The following KCNQ1OT1 variants were observed in gnomAD, a reference collection of about 807,000 sequenced individuals.
The protein encoded by KCNQ1OT1 is KCNQ1 opposite strand/antisense transcript 1.
exon 1 of KCNQ1OT1, chr11:2,688,963 G>C (rs1266602184): frequency 5.0e-6 from 2 of 398,820 alleles, no homozygotes; most frequent in Non-Finnish European, 8.8e-6. Context: ...AGGGCTCTGA[G>C]AGTAGGGGTC....
chr11:2,699,071 A>G (rs148835915), exon 1 of KCNQ1OT1: 1 of 398,548 alleles, frequency 2.5e-6, no homozygotes, highest in Non-Finnish European at 4.4e-6. Flanking sequence ...CAAAACCACA[A>G]CATGGATTCC....
chr11:2,614,384 A>G (rs1030011707), exon 1 of KCNQ1OT1: 7 of 398,442 alleles, frequency 1.8e-5, no homozygotes, highest in South Asian at 2.5e-4. Context: ...AACCATTTCA[A>G]AATGTACAAT....
rs145454932 is a variant in KCNQ1OT1, at chr11:2,618,314, A to C, written n.81681T>G. Reference sequence around the variant, plus strand: ...ATAACAACAGCTGATGGGCTAAAAAAATGCAAAAAAATTCAATGTTTTAAC... The same window carrying C: ...ATAACAACAGCTGATGGGCTAAAAACATGCAAAAAAATTCAATGTTTTAAC... On this transcript the variant is annotated non_coding_transcript_exon_variant, in exon 1 of 1. Coordinates refer to ENST00000597346, the Ensembl canonical transcript of KCNQ1OT1. The C allele has an allele frequency of 1.5e-3, 610 of 398,596 alleles. 3 individuals carry two copies. Among genetic ancestry groups the C allele is most frequent in the African/African-American group, 0.011 (540 of 48,750 alleles). The allele number at this position is 398,596 out of a possible 1,614,324, so 24.7% of individuals were successfully genotyped here. A position where few individuals can be genotyped will look rare whatever the true frequency, so the allele number is the denominator to read the frequency against.
At position 2,626,699 on chromosome 11, in the gene KCNQ1OT1, T is replaced by C. The variant is rs1011628755; in HGVS notation, n.73296A>G. On this transcript the variant is annotated non_coding_transcript_exon_variant, in exon 1 of 1. Transcript: ENST00000597346. The surrounding 1 kb of genome is among the most constrained non-coding windows in gnomAD (Gnocchi z 4.0). ...GTGTACCATTACACCTGGCCAATTA[T>C]TTTATTTTTTGTAGAGATGAGGTCT... 1 of 397,012 alleles carries C rather than the reference T, an allele frequency of 2.5e-6. No individual in the cohort carries two copies. The highest frequency in any genetic ancestry group is 4.4e-6 in the Non-Finnish European group (1 of 226,036). The allele number at this position is 397,012 out of a possible 1,614,324, so 24.6% of individuals were successfully genotyped here. A position where few individuals can be genotyped will look rare whatever the true frequency, so the allele number is the denominator to read the frequency against.
Position 2,623,335 on chromosome 11 carries a change from T to C in KCNQ1OT1, n.76660A>G, listed in dbSNP as rs530866865. 4.3e-5 allele frequency: 17 copies of C among 398,578 alleles called. No individual in the cohort carries two copies. The highest frequency in any genetic ancestry group is 7.5e-5 in the Non-Finnish European group (17 of 226,068). 24.7% of individuals were successfully genotyped at this position (398,578 alleles called of 1,614,324 possible). A position where few individuals can be genotyped will look rare whatever the true frequency, so the allele number is the denominator to read the frequency against. On this transcript the variant is annotated non_coding_transcript_exon_variant, in exon 1 of 1. Coordinates refer to ENST00000597346, the Ensembl canonical transcript of KCNQ1OT1. The surrounding 1 kb of genome is among the most constrained non-coding windows in gnomAD (Gnocchi z 5.2). ...GTGAGAACGGACTAATATGCATGTA[T>C]CTACCATTATAGTATCATACAGATA...
chr11:2,629,053 A>G lies in KCNQ1OT1; in HGVS notation n.70942T>C, dbSNP rs543569202. 1.3e-5 allele frequency: 5 copies of G among 398,234 alleles called. No homozygotes were observed. The South Asian group carries it at 6.4e-4, about 51-fold the overall frequency. The allele number at this position is 398,234 out of a possible 1,614,324, so 24.7% of individuals were successfully genotyped here. On this transcript the variant is annotated non_coding_transcript_exon_variant, in exon 1 of 1. Coordinates refer to ENST00000597346, the Ensembl canonical transcript of KCNQ1OT1. The stretch of plus-strand genomic sequence containing the variant: ...TCTTTCACTTTGTTCTTATTGCTCA[A>G]GTATGCTTTAGATCTTTAAGGTCTT...
chr11:2,665,240 G>C lies in KCNQ1OT1; in HGVS notation n.34755C>G, dbSNP rs1463852739. On this transcript the variant is annotated non_coding_transcript_exon_variant, in exon 1 of 1. Coordinates refer to ENST00000597346, the Ensembl canonical transcript of KCNQ1OT1. Reference sequence around the variant, plus strand: ...TTCCTAGGTTGAATGGGGCACAAGAGAGTCCCTGCCAGCCTCAAACTCCCT... The same window carrying C: ...TTCCTAGGTTGAATGGGGCACAAGACAGTCCCTGCCAGCCTCAAACTCCCT... 1.8e-5 allele frequency: 7 copies of C among 398,436 alleles called. 1 individual carries two copies. Among genetic ancestry groups the C allele is most frequent in the Non-Finnish European group, 3.1e-5 (7 of 226,120 alleles). 24.7% of individuals were successfully genotyped at this position (398,436 alleles called of 1,614,324 possible).
At chr11:2,634,207 A>G in exon 1 of KCNQ1OT1, 4 of 392,450 alleles carry the variant, frequency 1.0e-5, no homozygotes, top group Admixed American at 4.5e-5. Flanking sequence ...TCTAGGGTAC[A>G]TGTGCACAAC....
At chr11:2,648,387 C>T (rs1849700501) in exon 1 of KCNQ1OT1, 1 of 398,246 alleles carries the variant, frequency 2.5e-6, no homozygotes, top group African/African-American at 2.1e-5. Context: ...AACTTTCTAC[C>T]TTATTGATGT....
rs193238249 is a variant in KCNQ1OT1 at position 2,698,791 on chromosome 11, A to C, written n.1204T>G. 2.5e-6 allele frequency: 1 copy of C among 398,536 alleles called. No individual in the cohort carries two copies. The highest frequency in any genetic ancestry group is 4.4e-6 in the Non-Finnish European group (1 of 226,142). The allele number at this position is 398,536 out of a possible 1,614,324, so 24.7% of individuals were successfully genotyped here. A position where few individuals can be genotyped will look rare whatever the true frequency, so the allele number is the denominator to read the frequency against. ...CTCCAGACCGGGATTCAGGTCCCCAACTCAGACTCCCGATCCTCTGTCCCT... is the reference window on the plus strand; with the variant it reads ...CTCCAGACCGGGATTCAGGTCCCCACCTCAGACTCCCGATCCTCTGTCCCT... On this transcript the variant is annotated non_coding_transcript_exon_variant, in exon 1 of 1. Coordinates refer to ENST00000597346, the Ensembl canonical transcript of KCNQ1OT1. This position sits in a 1 kb window ranked among gnomAD's most constrained non-coding sequence, Gnocchi z 5.1.
chr11:2,662,013 C>A (rs1060503982), exon 1 of KCNQ1OT1: 4 of 1,614,228 alleles, frequency 2.5e-6, no homozygotes, highest in Non-Finnish European at 3.4e-6. Flanking sequence ...TCATGAGAAC[C>A]AACAGCTTCG....
Position 2,662,012 on chromosome 11 carries a change from C to A in KCNQ1OT1, n.37983G>T, listed in dbSNP as rs551775986. 1.9e-6 allele frequency: 3 copies of A among 1,614,230 alleles called. No homozygotes were observed. The highest frequency in any genetic ancestry group is 1.1e-5 in the South Asian group (1 of 91,088). On this transcript the variant is annotated non_coding_transcript_exon_variant, in exon 1 of 1. Coordinates refer to ENST00000597346, the Ensembl canonical transcript of KCNQ1OT1. ...GTGAGCATGCCCCATTTCATGAGAA[C>A]CAACAGCTTCGCCGAGGACCTGGAC...
At position 2,673,610 on chromosome 11, in the gene KCNQ1OT1, A is replaced by T; in HGVS notation, n.26385T>A. On this transcript the variant is annotated non_coding_transcript_exon_variant, in exon 1 of 1. Coordinates refer to ENST00000597346, the Ensembl canonical transcript of KCNQ1OT1. The surrounding 1 kb of genome is among the most constrained non-coding windows in gnomAD (Gnocchi z 4.5). ...GGCTAAAGAGAAGCTAAACGTGACC[A>T]GCCTACCCACCTTGCTACTGCTGAT... 1 of 398,754 alleles carries T rather than the reference A, an allele frequency of 2.5e-6. No individual in the cohort carries two copies. Among genetic ancestry groups the T allele is most frequent in the Admixed American group, 4.4e-5 (1 of 22,744 alleles). The allele number at this position is 398,754 out of a possible 1,614,324, so 24.7% of individuals were successfully genotyped here. A position where few individuals can be genotyped will look rare whatever the true frequency, so the allele number is the denominator to read the frequency against.
chr11:2,615,380 C>A (rs2133796125), exon 1 of KCNQ1OT1: 1 of 397,950 alleles, frequency 2.5e-6, no homozygotes, highest in East Asian at 3.6e-5. Context: ...GGATGCTATT[C>A]ATTTACCTGT....
chr11:2,698,901 A>C lies in KCNQ1OT1; in HGVS notation n.1094T>G. On this transcript the variant is annotated non_coding_transcript_exon_variant, in exon 1 of 1. Coordinates refer to ENST00000597346, the Ensembl canonical transcript of KCNQ1OT1. This position sits in a 1 kb window ranked among gnomAD's most constrained non-coding sequence, Gnocchi z 5.1. ...ACTACTCAGATCCCAACTCAGGCAA[A>C]CTCCCAGCCAGGATGTGGACCCTAG... 2.5e-6 allele frequency: 1 copy of C among 398,670 alleles called. No individual in the cohort carries two copies. The highest frequency in any genetic ancestry group is 4.4e-6 in the Non-Finnish European group (1 of 226,162). The allele number at this position is 398,670 out of a possible 1,614,324, so 24.7% of individuals were successfully genotyped here.
At chr11:2,660,402 A>C (rs12573965) in exon 1 of KCNQ1OT1, 39,954 of 398,536 alleles carry the variant, frequency 0.1, 2,144 homozygotes, top group Non-Finnish European at 0.12. Context: ...TTTATAAAGC[A>C]AAAGATGTAT....
chr11:2,636,453 T>C (rs1412108781), exon 1 of KCNQ1OT1: 5 of 152,214 alleles, frequency 3.3e-5, no homozygotes, highest in Non-Finnish European at 5.9e-5. Context: ...CATGTGGTTT[T>C]TGTCTTTGGT....
At chr11:2,630,392 T>A in exon 1 of KCNQ1OT1, 1 of 398,276 alleles carries the variant, frequency 2.5e-6, no homozygotes, top group Non-Finnish European at 4.4e-6. Context: ...ATTGTCCTTG[T>A]CTGGCCTTAG....
exon 1 of KCNQ1OT1, chr11:2,666,609 A>G: frequency 2.5e-6 from 1 of 398,678 alleles, no homozygotes; most frequent in African/African-American, 2.1e-5. Flanking sequence ...AATAAGGGCA[A>G]ACGTCACAAG....
Sources: allele counts gnomAD v4.1 joint callset, GRCh38; gene constraint gnomAD v4.1.1; non-coding constraint Gnocchi (gnomAD v3.1); transcripts MANE v1.5; gene names NCBI Gene and HGNC (gene_info 2026-07-23, HGNC 2026-07-21).